The following B4GALT1 variants were observed in gnomAD, a reference collection of about 807,000 sequenced individuals.
B4GALT1 encodes beta-1,4-galactosyltransferase 1, also known as N-acetyllactosamine synthase.
A neutral mutation model predicts 34.9 loss-of-function variants in B4GALT1; 16 were observed. The observed-to-expected ratio is 0.46, with a 90% CI of 0.31 to 0.70. The LOEUF is 0.70. B4GALT1 is among the 30% of genes least tolerant of loss of function. The pLI is 0.05. For missense variants in B4GALT1, 445 were observed against 530.5 expected, an observed-to-expected ratio of 0.84 and a Z score of 1.58; for synonymous variants, 221 against 218.1, an observed-to-expected ratio of 1.01 and a Z score of -0.12.
downstream of B4GALT1, among the ~76,000 whole-genome samples, chr9:33,109,805 T>C (rs969204930): frequency 6.6e-6 from 1 of 152,210 alleles, no homozygotes; most frequent in Non-Finnish European, 1.5e-5. Context: ...TAGTGTCCAC[T>C]AGAAAACTGC....
intron 3 of B4GALT1, among the ~76,000 whole-genome samples, chr9:33,116,581 C>T (rs1011906856): frequency 1.5e-5 from 2 of 132,144 alleles, no homozygotes; most frequent in Non-Finnish European, 1.5e-5. Context: ...AGTACAATGG[C>T]GTGATCTCGG....
intron 2 of B4GALT1, among the ~76,000 whole-genome samples, chr9:33,123,712 T>C (rs1840054589): frequency 6.6e-6 from 1 of 152,208 alleles, no homozygotes; most frequent in African/African-American, 2.4e-5. Context: ...GAGGCCTAAC[T>C]GAGACTGAAC....
At chr9:33,172,287 G>A (rs940614090), upstream of B4GALT1, among the ~76,000 whole-genome samples, 2 of 152,114 alleles carry the variant, frequency 1.3e-5, no homozygotes, top group African/African-American at 2.4e-5. Context: ...TCTGAGATTA[G>A]TAAGTAACTG....
chr9:33,174,291 G>A, the B4GALT1 span: 1 of 152,684 alleles, frequency 6.5e-6, no homozygotes, highest in Non-Finnish European at 1.5e-5. Flanking sequence ...GTAATTTTTG[G>A]AAAAATGAAA....
intron 2 of B4GALT1, among the ~76,000 whole-genome samples, chr9:33,129,558 C>A (rs772248652): frequency 2.6e-5 from 4 of 152,252 alleles, no homozygotes; most frequent in African/African-American, 4.8e-5. Flanking sequence ...AAGCCCCGTG[C>A]TCCACTCACT....
intron 3 of B4GALT1, among the ~76,000 whole-genome samples, chr9:33,118,378 C>G (rs988402253): frequency 5.3e-5 from 8 of 152,078 alleles, no homozygotes; most frequent in African/African-American, 1.9e-4. Context: ...TGTTGCATCT[C>G]AGCAGGTGCA....
the B4GALT1 span, among the ~76,000 whole-genome samples, chr9:33,182,908 T>TA: frequency 1.0e-3 from 151 of 149,636 alleles, 3 homozygotes; most frequent in South Asian, 0.02. Context: ...TCACCCCACT[T>TA]AAAAAAAAAA....
Position 33,112,758 on chromosome 9 carries a change from CACA to C in B4GALT1, c.*693_*695del, listed in dbSNP as rs1305515527. 6.5e-6 allele frequency: 1 copy of C among 152,692 alleles called. No homozygotes were observed. The highest frequency in any genetic ancestry group is 1.9e-4 in the East Asian group (1 of 5,196). 9.5% of individuals were successfully genotyped at this position (152,692 alleles called of 1,614,324 possible). On this transcript the variant is annotated 3_prime_UTR_variant, in exon 6 of 6. Transcript: ENST00000379731. ...CTACAAACTACTATTTAAAAAAAAACACAACAACTTTACATTCAGAAATCAGAC... is the reference window on the plus strand; with the variant it reads ...CTACAAACTACTATTTAAAAAAAAACACAACTTTACATTCAGAAATCAGAC...
the B4GALT1 span, among the ~76,000 whole-genome samples, chr9:33,177,742 C>T: frequency 6.6e-6 from 1 of 152,130 alleles, no homozygotes; most frequent in Admixed American, 6.5e-5. Flanking sequence ...ACCATTAACC[C>T]AGTGGTTTTC....
upstream of B4GALT1, among the ~76,000 whole-genome samples, chr9:33,171,632 A>G (rs978192509): frequency 3.9e-5 from 6 of 151,972 alleles, no homozygotes; most frequent in South Asian, 2.1e-4. Context: ...ATAGGTCACT[A>G]TAACGTCAAA....
Position 33,111,276 on chromosome 9 carries a change from A to AAAAAAAAAAAAAAAAAAAAAAAAAAAAC in B4GALT1, c.*2177_*2178insGTTTTTTTTTTTTTTTTTTTTTTTTTTT, listed in dbSNP as rs1564033760. The AAAAAAAAAAAAAAAAAAAAAAAAAAAAC allele has an allele frequency of 5.7e-5, 6 of 106,020 alleles. 1 individual carries two copies. Among genetic ancestry groups the AAAAAAAAAAAAAAAAAAAAAAAAAAAAC allele is most frequent in the Non-Finnish European group, 1.0e-4 (5 of 49,226 alleles). The allele number at this position is 106,020 out of a possible 1,614,324, so 6.6% of individuals were successfully genotyped here. A position where few individuals can be genotyped will look rare whatever the true frequency, so the allele number is the denominator to read the frequency against. ...AAAAAAAAAAAAAAAAAAAAAAAAA[A>AAAAAAAAAAAAAAAAAAAAAAAAAAAAC]AACAACAAGAAAAGGTAGAGTTTGG... On this transcript the variant is annotated 3_prime_UTR_variant, in exon 6 of 6. Transcript: ENST00000379731.
downstream of B4GALT1, among the ~76,000 whole-genome samples, chr9:33,106,260 C>A (rs902927902): frequency 1.3e-5 from 2 of 152,172 alleles, no homozygotes; most frequent in African/African-American, 2.4e-5. Context: ...CTTAAGGGAG[C>A]CTTCTTAAGG....
At chr9:33,159,299 A>C (rs1272973095) in intron 1 of B4GALT1, among the ~76,000 whole-genome samples, 1 of 152,174 alleles carries the variant, frequency 6.6e-6, no homozygotes, top group East Asian at 1.9e-4. Flanking sequence ...GCAATGATTG[A>C]ATCCCCTGCC....
intron 1 of B4GALT1, among the ~76,000 whole-genome samples, chr9:33,160,819 T>A (rs1305731134): frequency 6.6e-6 from 1 of 152,062 alleles, no homozygotes; most frequent in Non-Finnish European, 1.5e-5. Context: ...AAAAGACTAG[T>A]AGGAAATATG....
rs1587756000 is a variant in B4GALT1 at position 33,167,165 on chromosome 9, C to G, written c.5G>C (p.Arg2Thr). The change falls in exon 1 of 6, where the codon AGG becomes ACG. Residue 2 changes from arginine (R) to threonine (T), a missense_variant. Transcript: ENST00000379731. ...GCCGCTCAGGAGCGGCTCCCGAAGC[C>G]TCATCTTCCCGCCGCCGCTTTAAGA... MRLREPLLSGSA... is the reference protein window; with the variant it reads MTLREPLLSGSA... 1.9e-6 allele frequency: 3 copies of G among 1,597,764 alleles called. No individual in the cohort carries two copies. Among genetic ancestry groups the G allele is most frequent in the African/African-American group, 1.3e-5 (1 of 74,430 alleles).
At position 33,159,544 on chromosome 9, in the gene B4GALT1, T is replaced by C. The variant is rs370813523; in HGVS notation, c.412+7214A>G. On this transcript the variant is annotated intron_variant, in intron 1 of 5. Transcript: ENST00000379731. Reference sequence around the variant, plus strand: ...AACTTCAAAGTATACTCCTTGGGAATAGCCTGGCACACTGGCCTGAGGCTT... The same window carrying C: ...AACTTCAAAGTATACTCCTTGGGAACAGCCTGGCACACTGGCCTGAGGCTT... Among the ~76,000 whole-genome samples the C allele has an allele frequency of 2.6e-5, 4 of 152,216 alleles. No homozygotes were observed. In the East Asian group the frequency reaches 7.7e-4, roughly 29 times the overall value.
At chr9:33,152,009 T>G (rs1840523655) in intron 1 of B4GALT1, among the ~76,000 whole-genome samples, 1 of 152,112 alleles carries the variant, frequency 6.6e-6, no homozygotes, top group South Asian at 2.1e-4. Context: ...AAACATAGAT[T>G]TAAACACATA....
At chr9:33,147,499 G>A (rs1383937072) in intron 1 of B4GALT1, among the ~76,000 whole-genome samples, 1 of 151,686 alleles carries the variant, frequency 6.6e-6, no homozygotes, top group African/African-American at 2.4e-5. Flanking sequence ...TGCCCACCTC[G>A]GCCTCCCAGA....
At chr9:33,133,795 G>C (rs1288121426) in intron 2 of B4GALT1, among the ~76,000 whole-genome samples, 1 of 143,374 alleles carries the variant, frequency 7.0e-6, no homozygotes, top group Admixed American at 7.2e-5. Context: ...TGCCTCACAG[G>C]CTTAACTCTG....
Sources: gnomAD v4.1 joint callset for allele counts (sites outside exome capture counted in the v4.1 genomes callset) on GRCh38, gnomAD v4.1.1 for gene constraint, MANE v1.5 for transcripts, NCBI Gene and HGNC (gene_info 2026-07-23, HGNC 2026-07-21) for gene names.